CASP6: variants seen among roughly 807,000 people sequenced by gnomAD.
CASP6 encodes caspase-6.
In CASP6, 20 loss-of-function variants were observed where a neutral mutation model predicts 31.8. That is an observed-to-expected ratio of 0.63 (90% CI 0.44 to 0.91). The LOEUF is 0.91. Among genes scored for constraint, CASP6 ranks in the 40% least tolerant of loss-of-function variants. The probability of loss-of-function intolerance (pLI) is 0.00; values close to 1 mark genes in which losing one functional copy is unlikely to be tolerated. For missense variants in CASP6, 328 were observed against 361.1 expected, an observed-to-expected ratio of 0.91 and a Z score of 0.74; for synonymous variants, 130 against 127.8, an observed-to-expected ratio of 1.02 and a Z score of -0.12.
downstream of CASP6, chr4:109,684,511 G>GCTGT (rs777903845): frequency 6.2e-7 from 1 of 1,614,020 alleles, no homozygotes; most frequent in Non-Finnish European, 8.5e-7. Context: ...GATTGGCACT[G>GCTGT]CTGTCCATTC....
chr4:109,697,437 T>C (rs955589801), intron 3 of CASP6, among the ~76,000 whole-genome samples, 185 bp downstream of exon 3: 1 of 151,930 alleles, frequency 6.6e-6, no homozygotes, highest in African/African-American at 2.4e-5. Context: ...GCTAATTGAT[T>C]TTTATTTTTT....
chr4:109,709,669 T>C, the CASP6 span, among the ~76,000 whole-genome samples: 1 of 152,204 alleles, frequency 6.6e-6, no homozygotes, highest in African/African-American at 2.4e-5. Context: ...AAGTGGAACT[T>C]ATTAAAACTG....
At chr4:109,684,351 C>G, downstream of CASP6, 4 of 1,026,554 alleles carry the variant, frequency 3.9e-6, no homozygotes, top group Non-Finnish European at 5.6e-6. Context: ...CGTGAGCCAC[C>G]GCGCCCGGCA....
downstream of CASP6, chr4:109,685,238 C>CTT (rs3214165): frequency 0.013 from 11,227 of 862,198 alleles, no homozygotes; most frequent in South Asian, 0.021. Flanking sequence ...TTCTCTCTCT[C>CTT]TTTTTTTTTA....
At chr4:109,679,383 C>T in the CASP6 span, among the ~76,000 whole-genome samples, 4 of 152,200 alleles carry the variant, frequency 2.6e-5, no homozygotes, top group South Asian at 2.1e-4. Context: ...AGCGAGACTC[C>T]GTCTGCAATC....
chr4:109,694,758 A>G (rs1390382174), intron 4 of CASP6, 58 bp from the exon 5 acceptor site: 3 of 1,399,236 alleles, frequency 2.1e-6, no homozygotes, highest in Non-Finnish European at 2.8e-6. Flanking sequence ...TTATCTACAC[A>G]TAAAAATTCA....
the CASP6 span, among the ~76,000 whole-genome samples, chr4:109,674,502 T>C: frequency 3.2e-3 from 490 of 152,356 alleles, 8 homozygotes; most frequent in South Asian, 8.3e-4. Context: ...AGAGTCCTAT[T>C]TGCCCCAGTT....
chr4:109,693,769 C>T (rs1187181361), intron 5 of CASP6, among the ~76,000 whole-genome samples: 14 of 149,170 alleles, frequency 9.4e-5, no homozygotes, highest in African/African-American at 2.5e-4. Flanking sequence ...GACAGAGTCT[C>T]GCTCTGACGC....
chr4:109,702,323 G>A (rs920552387), intron 1 of CASP6, among the ~76,000 whole-genome samples: 1 of 150,878 alleles, frequency 6.6e-6, no homozygotes, highest in African/African-American at 2.5e-5. Flanking sequence ...CAGGCGTTTC[G>A]TTCTTTTTTT....
the CASP6 span, chr4:109,682,513 A>G: frequency 3.2e-6 from 4 of 1,248,126 alleles, no homozygotes; most frequent in Non-Finnish European, 4.5e-6. Context: ...AGAATTGGGG[A>G]CCGAAAGATT....
intron 1 of CASP6, 90 bp downstream of exon 1, chr4:109,703,266 T>A: frequency 6.9e-7 from 1 of 1,449,958 alleles, no homozygotes; most frequent in Non-Finnish European, 9.4e-7. Context: ...CCCACTCCGG[T>A]CCGCGCGCCC....
chr4:109,673,173 A>G, the CASP6 span, among the ~76,000 whole-genome samples: 1 of 152,228 alleles, frequency 6.6e-6, no homozygotes, highest in Non-Finnish European at 1.5e-5. Flanking sequence ...GATATTATAC[A>G]ACTTTCATGT....
At chr4:109,687,550 CTG>C (rs1729878280), downstream of CASP6, 1 of 1,612,902 alleles carries the variant, frequency 6.2e-7, no homozygotes, top group Non-Finnish European at 8.5e-7. Context: ...GTCATTCTCT[CTG>C]TTTGCAAATG....
chr4:109,678,783 ATGGG>A, the CASP6 span, among the ~76,000 whole-genome samples: 1 of 93,384 alleles, frequency 1.1e-5, no homozygotes, highest in Non-Finnish European at 2.2e-5. Flanking sequence ...TTCCCAGACG[ATGGG>A]TGGCCGGGCA....
At chr4:109,667,175 C>G in the CASP6 span, among the ~76,000 whole-genome samples, 1 of 151,946 alleles carries the variant, frequency 6.6e-6, no homozygotes, top group African/African-American at 2.4e-5. Flanking sequence ...TAGTTTCTTC[C>G]TTTGATGTTT....
At position 109,689,392 on chromosome 4, in the gene CASP6, G is replaced by C; in HGVS notation, c.820C>G (p.Gln274Glu). ...AGCATTGAGGCAAAACAGGGAACCTGCTTCTTTCCAATTGCACTTGGGTCT... is the reference window on the plus strand; with the variant it reads ...AGCATTGAGGCAAAACAGGGAACCTCCTTCTTTCCAATTGCACTTGGGTCT... ...CKDPSAIGKK[Q>E]VPCFASMLTK... The change falls in exon 7 of 7, where the codon CAG becomes GAG. Residue 274 changes from glutamine to glutamate, a missense_variant. Physicochemically the swap from Gln to Glu is conservative, Grantham distance 29. Coordinates refer to ENST00000265164, the MANE Select transcript of CASP6 (RefSeq NM_001226.4). 2 of 1,614,224 alleles carry C rather than the reference G, an allele frequency of 1.2e-6. No homozygotes were observed. The highest frequency in any genetic ancestry group is 1.7e-6 in the Non-Finnish European group (2 of 1,180,038).
intron 1 of CASP6, among the ~76,000 whole-genome samples, chr4:109,698,856 C>T (rs1730332034): frequency 6.6e-6 from 1 of 152,212 alleles, no homozygotes; most frequent in African/African-American, 2.4e-5. Context: ...CTGCATGACA[C>T]ATCTGCATTT....
At chr4:109,704,101 C>CT (rs1364843444), upstream of CASP6, among the ~76,000 whole-genome samples, 1 of 152,222 alleles carries the variant, frequency 6.6e-6, no homozygotes, top group Admixed American at 6.5e-5. Context: ...TCCCTTCTCT[C>CT]TCCCCCTCCT....
Position 109,691,067 on chromosome 4 carries a change from A to AAT in CASP6, c.484-60_484-59dup, listed in dbSNP as rs1730040981. The AAT allele has an allele frequency of 1.2e-4, 186 of 1,545,898 alleles. 4 individuals carry two copies. In the South Asian group the frequency reaches 2.3e-3, roughly 19 times the overall value. ...GCCTACTGTTTCCTTCCCAGTGCTT[A>AAT]ATGTGTGCAGTGAATGTGTAAGCCA... On this transcript the variant is annotated intron_variant, in intron 5 of 6. Transcript: ENST00000265164.
Sources: gnomAD v4.1 joint callset for allele counts (sites outside exome capture counted in the v4.1 genomes callset) on GRCh38, gnomAD v4.1.1 for gene constraint, MANE v1.5 for transcripts, NCBI Gene and HGNC (gene_info 2026-07-23, HGNC 2026-07-21) for gene names.